PIK3C2B: variants seen among roughly 807,000 people sequenced by gnomAD.
PIK3C2B encodes the protein phosphatidylinositol-4-phosphate 3-kinase catalytic subunit type 2 beta.
A neutral mutation model predicts 184.3 loss-of-function variants in PIK3C2B; 83 were observed. That is an observed-to-expected ratio of 0.45 (90% confidence interval 0.38 to 0.54). The LOEUF (loss-of-function observed/expected upper bound fraction) is 0.54, where lower values mean the gene tolerates loss of function less well. PIK3C2B is among the 20% of genes least tolerant of loss of function. The probability of loss-of-function intolerance (pLI) is 0.00; values close to 1 mark genes in which losing one functional copy is unlikely to be tolerated. For missense variants in PIK3C2B, 1,736 were observed against 2,113.5 expected, an observed-to-expected ratio of 0.82 and a Z score of 3.50; for synonymous variants, 779 against 837.6, an observed-to-expected ratio of 0.93 and a Z score of 1.21.
At chr1:204,488,222 A>G (rs1657764123) in intron 1 of PIK3C2B, among the ~76,000 whole-genome samples, 1 of 152,158 alleles carries the variant, frequency 6.6e-6, no homozygotes, top group Non-Finnish European at 1.5e-5. Context: ...TTGCACTGCC[A>G]GTCATTTGAT....
At chr1:204,490,706 T>C (rs1657948513) in intron 1 of PIK3C2B, among the ~76,000 whole-genome samples, 1 of 151,832 alleles carries the variant, frequency 6.6e-6, no homozygotes, top group South Asian at 2.1e-4. Flanking sequence ...GGAGGATCAC[T>C]TGAGACCAGA....
chr1:204,444,160 G>T lies in PIK3C2B; in HGVS notation c.2775C>A (p.Ala925=), dbSNP rs116289459. The change falls in exon 18 of 33, where the codon GCC becomes GCA. Residue 925 remains alanine (A), a splice_region_variant and synonymous_variant. Coordinates refer to ENST00000684373, the MANE Select transcript of PIK3C2B (RefSeq NM_001377334.1). The stretch of plus-strand genomic sequence containing the variant: ...TGTCCAGGTAGCATTCATACTTCAG[G>T]GCCTGTTTCGGAGAAAGGGAGAAAG... ...LLDYLPQLVQ[A]LKYECYLDSP... is the part of the protein sequence containing the mutation. The T allele has an allele frequency of 2.3e-5, 37 of 1,608,352 alleles. 1 individual carries two copies. In the East Asian group the frequency reaches 7.8e-4, roughly 34 times the overall value.
chr1:204,493,553 A>ACACACACACACACACT (rs1558293821), intron 1 of PIK3C2B, among the ~76,000 whole-genome samples: 1 of 151,376 alleles, frequency 6.6e-6, no homozygotes, highest in African/African-American at 2.4e-5. Context: ...ACACACACAC[A>ACACACACACACACACT]CTTCAACATC....
chr1:204,479,691 A>T (rs1370095818), intron 1 of PIK3C2B, among the ~76,000 whole-genome samples: 2 of 152,156 alleles, frequency 1.3e-5, no homozygotes, highest in Non-Finnish European at 2.9e-5. Flanking sequence ...TCGATACAGC[A>T]TTTGCTTCCT....
rs374613535 is a variant in PIK3C2B, at chr1:204,460,470, C to A, written c.1423-67G>T. Reference sequence around the variant, plus strand: ...ATCTCAGCTCAGCACTCCTACCCCCCTCCCACCTGATGTGTTCTATATTGT... The same window carrying A: ...ATCTCAGCTCAGCACTCCTACCCCCATCCCACCTGATGTGTTCTATATTGT... On this transcript the variant is annotated intron_variant, in intron 6 of 32. Coordinates refer to ENST00000684373, the MANE Select transcript of PIK3C2B (RefSeq NM_001377334.1). 7.1e-6 allele frequency: 11 copies of A among 1,538,818 alleles called. No homozygotes were observed. In the South Asian group the frequency reaches 1.1e-4, roughly 16 times the overall value.
chr1:204,464,513 C>A lies in PIK3C2B; in HGVS notation c.1126G>T (p.Val376Phe), dbSNP rs764216823. 2.5e-5 allele frequency: 40 copies of A among 1,613,996 alleles called. No homozygotes were observed. The highest frequency in any genetic ancestry group is 2.6e-5 in the Non-Finnish European group (31 of 1,179,970). Residue 376 changes from valine to phenylalanine, a missense_variant, in exon 4 of 33, where the codon GTC becomes TTC. Coordinates refer to ENST00000684373, the MANE Select transcript of PIK3C2B (RefSeq NM_001377334.1). ...CACAACACAGTCACCTTCAGGTTGA[C>A]CTCATCCCCGAGGTGCTCTGGGCTA... ...TPSPEHLGDE[V>F]NLKVTVLCDR...
intron 23 of PIK3C2B, among the ~76,000 whole-genome samples, chr1:204,438,414 G>A (rs546272212): frequency 3.9e-5 from 6 of 152,234 alleles, no homozygotes; most frequent in African/African-American, 1.4e-4. Flanking sequence ...GTTTTCACTC[G>A]TCTCTGTCTC....
intron 1 of PIK3C2B, among the ~76,000 whole-genome samples, chr1:204,491,394 A>G (rs1432509276): frequency 5.4e-5 from 8 of 147,602 alleles, no homozygotes; most frequent in African/African-American, 1.8e-4. Flanking sequence ...GTCTCAAAAA[A>G]AAAAAATGAA....
At chr1:204,438,428 T>A (rs1675469579) in intron 23 of PIK3C2B, among the ~76,000 whole-genome samples, 1 of 152,174 alleles carries the variant, frequency 6.6e-6, no homozygotes, top group East Asian at 1.9e-4. Context: ...CTGTCTCATA[T>A]CTAACCTCAA....
At position 204,455,946 on chromosome 1, in the gene PIK3C2B, T is replaced by A; in HGVS notation, c.1853A>T (p.His618Leu). The change falls in exon 11 of 33, where the codon CAT becomes CTT. Residue 618 changes from histidine to leucine, a missense_variant. By Grantham distance (99) the His-to-Leu change is moderately conservative (BLOSUM62 -3). Coordinates refer to ENST00000684373, the MANE Select transcript of PIK3C2B (RefSeq NM_001377334.1). ...ATGGCAGGCCTCCTGGACCAGGTCA[T>A]GCTTGCGGCTCCCGGGCACTGCCGT... ...FQTAVPGSRKHDLVQEACHFA... is the reference protein window; with the variant it reads ...FQTAVPGSRKLDLVQEACHFA... 1 of 1,614,212 alleles carries A rather than the reference T, an allele frequency of 6.2e-7. No individual in the cohort carries two copies. The highest frequency in any genetic ancestry group is 1.1e-5 in the South Asian group (1 of 91,088).
In PIK3C2B at chr1:204,424,783, C is replaced by T. The variant is rs1674657481; in HGVS notation, c.*69G>A. On this transcript the variant is annotated 3_prime_UTR_variant, in exon 33 of 33. Transcript: ENST00000684373. ...CCTGGCCCTTCACAAGGAGGAGTCTCACAGGGGAGAGTCCTCTCCCCCAGC... is the reference window on the plus strand; with the variant it reads ...CCTGGCCCTTCACAAGGAGGAGTCTTACAGGGGAGAGTCCTCTCCCCCAGC... 5 of 1,514,986 alleles carry T rather than the reference C, an allele frequency of 3.3e-6. No individual in the cohort carries two copies. Among genetic ancestry groups the T allele is most frequent in the African/African-American group, 2.7e-5 (2 of 72,892 alleles). The allele number at this position is 1,514,986 out of a possible 1,614,324, so 93.8% of individuals were successfully genotyped here. A position where few individuals can be genotyped will look rare whatever the true frequency, so the allele number is the denominator to read the frequency against.
Position 204,469,534 on chromosome 1 carries a change from G to A in PIK3C2B, c.269C>T (p.Thr90Ile). The A allele has an allele frequency of 1.9e-6, 3 of 1,602,138 alleles. No homozygotes were observed. Among genetic ancestry groups the A allele is most frequent in the South Asian group, 1.1e-5 (1 of 88,602 alleles). The change falls in exon 2 of 33, where the codon ACC becomes ATC. Residue 90 changes from threonine (T) to isoleucine (I), a missense_variant. Coordinates refer to ENST00000684373, the MANE Select transcript of PIK3C2B (RefSeq NM_001377334.1). The part of the protein sequence containing the change: ...LLRGLSGSDP[T>I]LNYNSLSPQE... ...TGGGGAGAGTGAGTTGTAGTTAAGG[G>A]TAGGATCAGAGCCAGAGAGACCGCG...
chr1:204,470,165 C>T (rs892161229), intron 1 of PIK3C2B, among the ~76,000 whole-genome samples: 1 of 149,778 alleles, frequency 6.7e-6, no homozygotes, highest in Non-Finnish European at 1.5e-5. Context: ...GAGAGAGAGG[C>T]ACCTTTTTTT....
rs1430802534 is a variant in PIK3C2B at position 204,424,899 on chromosome 1, T to C, written c.4858A>G (p.Lys1620Glu). The C allele has an allele frequency of 2.5e-6, 4 of 1,614,042 alleles. No homozygotes were observed. The highest frequency in any genetic ancestry group is 1.3e-5 in the African/African-American group (1 of 74,920). ...RLRELDLAQE[K>E]TGWFALGSRS... ...GATCCCAGGGCGAACCAGCCGGTCTTCTCCTGAGCCAGGTCCAGCTCTCGC... is the reference window on the plus strand; with the variant it reads ...GATCCCAGGGCGAACCAGCCGGTCTCCTCCTGAGCCAGGTCCAGCTCTCGC... Residue 1620 changes from lysine (K) to glutamate (E), a missense_variant, in exon 33 of 33, where the codon AAG (lysine) becomes GAG (glutamate). Physicochemically the swap from Lys to Glu is moderately conservative, Grantham distance 56. Coordinates refer to ENST00000684373, the MANE Select transcript of PIK3C2B (RefSeq NM_001377334.1).
intron 12 of PIK3C2B, among the ~76,000 whole-genome samples, chr1:204,450,337 G>GA (rs1489207957): frequency 6.6e-6 from 1 of 152,196 alleles, no homozygotes; most frequent in African/African-American, 2.4e-5. Context: ...TTCAGGTGAT[G>GA]ACACGTCCCA....
intron 23 of PIK3C2B, among the ~76,000 whole-genome samples, chr1:204,438,145 C>A (rs1675454498): frequency 6.6e-6 from 1 of 152,192 alleles, no homozygotes; most frequent in Non-Finnish European, 1.5e-5. Context: ...GTACATTGAT[C>A]AATATAAATC....
intron 12 of PIK3C2B, 168 bp downstream of exon 12, chr1:204,454,498 AAAG>A: frequency 3.6e-5 from 22 of 603,486 alleles, no homozygotes; most frequent in Admixed American, 3.0e-5. Flanking sequence ...AAAAAAAAAA[AAAG>A]AGTCAGGGAA....
intron 1 of PIK3C2B, among the ~76,000 whole-genome samples, chr1:204,474,426 A>G (rs1656558369): frequency 6.6e-6 from 1 of 151,922 alleles, no homozygotes; most frequent in Non-Finnish European, 1.5e-5. Context: ...TCTGCCCCCC[A>G]CATCCCACTA....
Position 204,427,747 on chromosome 1 carries a change from T to C in PIK3C2B, c.4488A>G (p.Thr1496=). The C allele has an allele frequency of 1.9e-6, 3 of 1,612,454 alleles. No homozygotes were observed. Among genetic ancestry groups the C allele is most frequent in the Non-Finnish European group, 1.7e-6 (2 of 1,178,464 alleles). The change falls in exon 31 of 33, where the codon ACA becomes ACG. Residue 1496 remains threonine, a synonymous_variant. Coordinates refer to ENST00000684373, the MANE Select transcript of PIK3C2B (RefSeq NM_001377334.1). ...TSPAPKSSDG[T]WARPVGKVGG... is the part of the protein sequence containing the mutation. ...CCACCTTTCCGACGGGCCGGGCCCA[T>C]GTGCCATCTGTAGGGACAAATGAAA... is the stretch of plus-strand genomic sequence containing the variant.
Sources: gnomAD v4.1 joint callset for allele counts (sites outside exome capture counted in the v4.1 genomes callset) on GRCh38, gnomAD v4.1.1 for gene constraint, MANE v1.5 for transcripts, NCBI Gene and HGNC (gene_info 2026-07-23, HGNC 2026-07-21) for gene names.